Variants in CNTLN observed in about 807,000 individuals in gnomAD.
CNTLN encodes centlein, also known as centlein, centrosomal protein.
A neutral mutation model predicts 180.0 loss-of-function variants in CNTLN; 212 were observed. The ratio of observed to expected loss-of-function variants is 1.18; its 90% CI spans 1.05 to 1.32. The LOEUF is 1.32. Ranked by LOEUF, CNTLN falls within the 40% of genes most tolerant of loss-of-function variation. CNTLN has a pLI of 0.00. For synonymous variants in CNTLN, 722 were observed against 563.1 expected (o/e 1.28, Z -3.99); for missense variants, 2,095 against 1,610.9 (o/e 1.30, Z -5.14).
chr9:17,258,206 T>G lies in CNTLN; in HGVS notation c.850-15527T>G, dbSNP rs894219504. 7.5e-5 allele frequency among the ~76,000 whole-genome samples: 11 copies of G among 146,936 alleles called. No homozygotes were observed. In the South Asian group the frequency reaches 1.8e-3, roughly 24 times the overall value. Reference sequence around the variant, plus strand: ...CAGCTTTCTACATATGGCTAGCCAGTTTTCCCAGCACCATTTATTAAATAG... The same window carrying G: ...CAGCTTTCTACATATGGCTAGCCAGGTTTCCCAGCACCATTTATTAAATAG... On this transcript the variant is annotated intron_variant, in intron 5 of 25. Coordinates refer to ENST00000380647, the MANE Select transcript of CNTLN (RefSeq NM_017738.4).
At chr9:17,439,017 TAGAATCAGTTCATGGG>T (rs988837105) in intron 18 of CNTLN, among the ~76,000 whole-genome samples, 4 of 152,146 alleles carry the variant, frequency 2.6e-5, no homozygotes, top group Non-Finnish European at 5.9e-5. Context: ...TGCTGCTTAT[TAGAATCAGTTCATGGG>T]AGGAATTGAG....
At chr9:17,178,517 C>CG (rs983132882) in intron 2 of CNTLN, among the ~76,000 whole-genome samples, 2 of 151,862 alleles carry the variant, frequency 1.3e-5, no homozygotes, top group Non-Finnish European at 2.9e-5. Flanking sequence ...AGGGCGGGGG[C>CG]GGGGGGTGCA....
chr9:17,396,423 G>T (rs1826530358), intron 15 of CNTLN, among the ~76,000 whole-genome samples: 3 of 152,076 alleles, frequency 2.0e-5, no homozygotes, highest in Admixed American at 2.0e-4. Flanking sequence ...GGGAAGTTCA[G>T]TGTTGCCATA....
At chr9:17,156,412 A>T (rs1304167074) in intron 2 of CNTLN, among the ~76,000 whole-genome samples, 1 of 152,064 alleles carries the variant, frequency 6.6e-6, no homozygotes, top group Admixed American at 6.6e-5. Context: ...TACCTTTTTT[A>T]AAAAAGGTTG....
downstream of CNTLN, among the ~76,000 whole-genome samples, chr9:17,505,896 A>G (rs1034168540): frequency 3.2e-4 from 49 of 152,114 alleles, 1 homozygote; most frequent in Non-Finnish European, 8.8e-5. Context: ...TACACTAATC[A>G]GGAGTGTGTG....
chr9:17,522,943 C>G, the CNTLN span, among the ~76,000 whole-genome samples: 1 of 152,116 alleles, frequency 6.6e-6, no homozygotes, highest in African/African-American at 2.4e-5. Context: ...CAGAGAGTCA[C>G]TGTCTTCTCA....
chr9:17,277,669 GT>G (rs1828397363), intron 6 of CNTLN, among the ~76,000 whole-genome samples: 1 of 152,046 alleles, frequency 6.6e-6, no homozygotes, highest in East Asian at 1.9e-4. Context: ...AAACTAATAA[GT>G]TTATCATGCT....
At chr9:17,201,089 T>C (rs759597750) in intron 2 of CNTLN, among the ~76,000 whole-genome samples, 5 of 152,216 alleles carry the variant, frequency 3.3e-5, no homozygotes, top group Non-Finnish European at 4.4e-5. Context: ...ATTGAGATAA[T>C]CATGTGATTT....
At position 17,330,784 on chromosome 9, in the gene CNTLN, G is replaced by A. The variant is rs1195079380; in HGVS notation, c.1494G>A (p.Met498Ile). The A allele has an allele frequency of 1.9e-6, 3 of 1,608,150 alleles. No homozygotes were observed. The African/African-American group carries it at 4.0e-5, about 22-fold the overall frequency. Residue 498 changes from methionine (M) to isoleucine (I), a missense_variant, in exon 9 of 26, where the codon ATG becomes ATA. Met to Ile is a conservative substitution (Grantham distance 10). Transcript: ENST00000380647. Reference protein sequence around the residue: ...ANKGFSRKSIMTSAEGKHKEP... With the variant: ...ANKGFSRKSIITSAEGKHKEP... ...AGGGTTTCTCCCGAAAGAGCATCAT[G>A]ACAAGTGCTGAAGGAAAACATAAGG...
chr9:17,194,761 A>G (rs1052484252), intron 2 of CNTLN, among the ~76,000 whole-genome samples: 3 of 152,120 alleles, frequency 2.0e-5, no homozygotes, highest in African/African-American at 7.2e-5. Flanking sequence ...CCAATATACT[A>G]TATTATCTGT....
At chr9:17,224,911 A>G (rs1329023937) in intron 2 of CNTLN, among the ~76,000 whole-genome samples, 1 of 151,892 alleles carries the variant, frequency 6.6e-6, no homozygotes, top group Non-Finnish European at 1.5e-5. Flanking sequence ...GTTTGGGGTC[A>G]TATCTCAAGA....
At chr9:17,361,590 C>CT (rs1204637003) in intron 12 of CNTLN, among the ~76,000 whole-genome samples, 2 of 152,184 alleles carry the variant, frequency 1.3e-5, no homozygotes, top group Admixed American at 6.5e-5. Flanking sequence ...ATTTCTTTAG[C>CT]TTTTTTCCAC....
intron 25 of CNTLN, among the ~76,000 whole-genome samples, chr9:17,488,592 C>T (rs1027219776): frequency 6.6e-6 from 1 of 152,014 alleles, no homozygotes; most frequent in East Asian, 1.9e-4. Flanking sequence ...TAAAACTGTA[C>T]TGACACTGGA....
intron 2 of CNTLN, among the ~76,000 whole-genome samples, chr9:17,153,238 TC>T (rs1819021773): frequency 6.6e-6 from 1 of 152,214 alleles, no homozygotes; most frequent in Non-Finnish European, 1.5e-5. Context: ...TAATGCAGTT[TC>T]TTCATAGTGT....
chr9:17,433,020 C>CAA (rs557721017), intron 18 of CNTLN, among the ~76,000 whole-genome samples: 3,515 of 101,572 alleles, frequency 0.035, 188 homozygotes, highest in African/African-American at 0.061. Flanking sequence ...GACTCTGTCT[C>CAA]AAAAAAAAAA....
At chr9:17,234,527 T>A (rs548055962) in intron 3 of CNTLN, among the ~76,000 whole-genome samples, 3 of 152,312 alleles carry the variant, frequency 2.0e-5, no homozygotes, top group African/African-American at 7.2e-5. Flanking sequence ...ATCATAATCC[T>A]GGATCTTCCT....
chr9:17,324,200 G>A (rs1016805607), intron 8 of CNTLN, among the ~76,000 whole-genome samples: 2 of 152,064 alleles, frequency 1.3e-5, no homozygotes, highest in African/African-American at 4.8e-5. Context: ...GTAAGTAATG[G>A]CTTATACCCC....
At chr9:17,364,685 C>G (rs1041959383) in intron 12 of CNTLN, among the ~76,000 whole-genome samples, 6 of 152,144 alleles carry the variant, frequency 3.9e-5, no homozygotes, top group African/African-American at 1.4e-4. Flanking sequence ...CTTATTGTCT[C>G]CATGCTTGAC....
At chr9:17,404,974 G>A (rs933592804) in intron 15 of CNTLN, among the ~76,000 whole-genome samples, 1 of 151,592 alleles carries the variant, frequency 6.6e-6, no homozygotes, top group African/African-American at 2.4e-5. Context: ...CTGACGTCAG[G>A]CAGTCTGCCC....
Sources: gnomAD v4.1 joint callset for allele counts (sites outside exome capture counted in the v4.1 genomes callset) on GRCh38, gnomAD v4.1.1 for gene constraint, MANE v1.5 for transcripts, NCBI Gene and HGNC (gene_info 2026-07-23, HGNC 2026-07-21) for gene names.